GCSAML: variants seen among roughly 807,000 people sequenced by gnomAD.
GCSAML encodes the protein germinal center associated signaling and motility like.
A neutral mutation model predicts 13.0 loss-of-function variants in GCSAML; 9 were observed. That is an observed-to-expected ratio of 0.69 (90% CI 0.42 to 1.21). The LOEUF (loss-of-function observed/expected upper bound fraction) is 1.21, where lower values mean the gene tolerates loss of function less well. Ranked by LOEUF, GCSAML falls within the 50% of genes most tolerant of loss-of-function variation. The probability of loss-of-function intolerance (pLI) is 0.00; values close to 1 mark genes in which losing one functional copy is unlikely to be tolerated. For synonymous variants in GCSAML, 37 were observed against 52.9 expected (o/e 0.70, Z 1.31); for missense variants, 143 against 153.4 (o/e 0.93, Z 0.36).
chr1:247,546,710 A>G (rs1252602646), upstream of GCSAML, among the ~76,000 whole-genome samples: 1 of 152,114 alleles, frequency 6.6e-6, no homozygotes, highest in Non-Finnish European at 1.5e-5. Flanking sequence ...ACTTATGTGC[A>G]AAGGATGATC....
upstream of GCSAML, among the ~76,000 whole-genome samples, chr1:247,548,142 G>A (rs60663756): frequency 6.6e-6 from 1 of 152,188 alleles, no homozygotes; most frequent in Non-Finnish European, 1.5e-5. The surrounding 1 kb of genome is among the most constrained non-coding windows in gnomAD (Gnocchi z 5.3). Context: ...TCAGCAAATA[G>A]ATTTTGTGTT....
At chr1:247,511,015 G>A (rs995398983) in intron 1 of GCSAML, among the ~76,000 whole-genome samples, 2 of 152,122 alleles carry the variant, frequency 1.3e-5, no homozygotes, top group South Asian at 2.1e-4. Flanking sequence ...TATCAGGTCC[G>A]CTTGGTCCAG....
At chr1:247,551,928 C>A (rs1023183246) in intron 1 of GCSAML, among the ~76,000 whole-genome samples, 1 of 152,154 alleles carries the variant, frequency 6.6e-6, no homozygotes, top group Non-Finnish European at 1.5e-5. Flanking sequence ...GAGTATGGGG[C>A]AGAACACTCT....
chr1:247,538,835 GTGTTT>G (rs1422769009), intron 2 of GCSAML: 11 of 447,992 alleles, frequency 2.5e-5, no homozygotes, highest in Non-Finnish European at 4.9e-5. Context: ...CCAGTTTGTG[GTGTTT>G]TGTTATGATA....
At chr1:247,566,586 A>G (rs2103064887) in intron 4 of GCSAML, among the ~76,000 whole-genome samples, 1 of 152,230 alleles carries the variant, frequency 6.6e-6, no homozygotes, top group South Asian at 2.1e-4. Context: ...AACAGATGAA[A>G]TTAAGTAAAT....
At chr1:247,564,014 C>T (rs935829565) in intron 3 of GCSAML, among the ~76,000 whole-genome samples, 4 of 151,780 alleles carry the variant, frequency 2.6e-5, no homozygotes, top group Non-Finnish European at 4.4e-5. Context: ...CTCACTGTAA[C>T]CCCCCGCCTT....
intron 2 of GCSAML, among the ~76,000 whole-genome samples, chr1:247,540,164 C>T (rs954732834): frequency 5.9e-5 from 9 of 152,082 alleles, no homozygotes; most frequent in Non-Finnish European, 5.9e-5. Flanking sequence ...CTCTGCCTCC[C>T]GGGATTACAG....
chr1:247,535,584 T>A (rs1667187466), intron 2 of GCSAML, among the ~76,000 whole-genome samples: 1 of 152,168 alleles, frequency 6.6e-6, no homozygotes, highest in Admixed American at 6.5e-5. Flanking sequence ...TGACTCACAG[T>A]TGATAACATG....
intron 1 of GCSAML, among the ~76,000 whole-genome samples, chr1:247,552,250 C>A (rs900026324): frequency 6.6e-6 from 1 of 152,180 alleles, no homozygotes; most frequent in Admixed American, 6.5e-5. Flanking sequence ...AGCTGAAATT[C>A]ATCAGGAACA....
At chr1:247,507,444 TTTTC>T (rs2103290592) in intron 1 of GCSAML, among the ~76,000 whole-genome samples, 1 of 152,350 alleles carries the variant, frequency 6.6e-6, no homozygotes, top group East Asian at 1.9e-4. Context: ...TTTTGTGGCA[TTTTC>T]TTTGAGCTGG....
chr1:247,548,345 G>C (rs371042113), upstream of GCSAML, among the ~76,000 whole-genome samples: 2 of 152,192 alleles, frequency 1.3e-5, no homozygotes, highest in African/African-American at 4.8e-5. This position sits in a 1 kb window ranked among gnomAD's most constrained non-coding sequence, Gnocchi z 5.3. Context: ...GGGCAGCCTA[G>C]GGGAGGAAGT....
At chr1:247,517,458 T>C (rs1666250892) in intron 1 of GCSAML, among the ~76,000 whole-genome samples, 2 of 152,212 alleles carry the variant, frequency 1.3e-5, no homozygotes, top group East Asian at 1.9e-4. Context: ...TCGTATTAAT[T>C]GAAGCTATTG....
intron 4 of GCSAML, among the ~76,000 whole-genome samples, chr1:247,569,511 T>C (rs967535025): frequency 6.6e-6 from 1 of 152,206 alleles, no homozygotes; most frequent in Non-Finnish European, 1.5e-5. Flanking sequence ...ATTACGTTTA[T>C]TGATTTGTGT....
At chr1:247,561,100 C>T (rs1032228160) in intron 2 of GCSAML, among the ~76,000 whole-genome samples, 1 of 152,050 alleles carries the variant, frequency 6.6e-6, no homozygotes, top group Non-Finnish European at 1.5e-5. Flanking sequence ...ACTACAGGTG[C>T]ACACCATCAT....
chr1:247,553,240 A>G (rs968969494), intron 1 of GCSAML, among the ~76,000 whole-genome samples: 1 of 152,244 alleles, frequency 6.6e-6, no homozygotes, highest in African/African-American at 2.4e-5. Flanking sequence ...CTAGCCTGTT[A>G]TTGTTGGAAT....
rs200390536 is a variant in GCSAML at position 247,521,325 on chromosome 1, GTCTCCCTCTCCCTCTCCACGGTCTCCC to G, written c.-262-5603_-262-5577del. 1.1e-4 allele frequency among the ~76,000 whole-genome samples: 16 copies of G among 146,090 alleles called. 1 individual carries two copies. Among genetic ancestry groups the G allele is most frequent in the East Asian group, 4.0e-4 (2 of 4,940 alleles). On this transcript the variant is annotated intron_variant, in intron 1 of 5. Transcript: ENST00000366489. ...CATAATGTCTCCCTCTCCCTCTCCA[GTCTCCCTCTCCCTCTCCACGGTCTCCC>G]TCTCCCTCTCCACGGTCTCCCTCTC...
chr1:247,535,955 T>C (rs1285346723), intron 2 of GCSAML, among the ~76,000 whole-genome samples: 1 of 152,236 alleles, frequency 6.6e-6, no homozygotes, highest in African/African-American at 2.4e-5. Flanking sequence ...GTTCAAATTT[T>C]GTCTGAGTTA....
At chr1:247,551,696 C>G (rs78765393) in intron 1 of GCSAML, among the ~76,000 whole-genome samples, 1 of 152,158 alleles carries the variant, frequency 6.6e-6, no homozygotes. Context: ...TATTGATCAT[C>G]GTTTTATGTG....
chr1:247,566,083 C>A, intron 4 of GCSAML, 124 bp downstream of exon 4: 1 of 605,802 alleles, frequency 1.7e-6, no homozygotes, highest in Non-Finnish European at 2.7e-6. Flanking sequence ...TTTGTAATTT[C>A]TAAATGTACT....
Sources: allele counts gnomAD v4.1 joint callset (sites outside exome capture counted in the v4.1 genomes callset), GRCh38; gene constraint gnomAD v4.1.1; non-coding constraint Gnocchi (gnomAD v3.1); transcripts MANE v1.5; gene names NCBI Gene and HGNC (gene_info 2026-07-23, HGNC 2026-07-21).